RTEL1: variants seen among roughly 807,000 people sequenced by gnomAD.
RTEL1 encodes the protein regulator of telomere elongation helicase 1.
In RTEL1, 86 loss-of-function variants were observed where a neutral mutation model predicts 162.2. That is an observed-to-expected ratio of 0.53 (90% CI 0.45 to 0.63). The LOEUF is 0.63. RTEL1 is among the 30% of genes least tolerant of loss of function. The probability of loss-of-function intolerance (pLI) is 0.00; values close to 1 mark genes in which losing one functional copy is unlikely to be tolerated. For missense variants in RTEL1, 1,941 were observed against 1,750.2 expected (o/e 1.11, Z -1.95); for synonymous variants, 958 against 717.9 (o/e 1.33, Z -5.35).
Position 63,678,103 on chromosome 20 carries a change from G to T in RTEL1, c.920-42G>T, listed in dbSNP as rs371242968. Reference sequence around the variant, plus strand: ...TTCTCAAGGGCGGGGTTGTTGGCACGAGCGTGATGCAGACTGCCTTTGCTG... The same window carrying T: ...TTCTCAAGGGCGGGGTTGTTGGCACTAGCGTGATGCAGACTGCCTTTGCTG... On this transcript the variant is annotated intron_variant, in intron 10 of 34. Coordinates refer to ENST00000360203, the MANE Select transcript of RTEL1 (RefSeq NM_001283009.2). The T allele has an allele frequency of 3.1e-6, 5 of 1,613,308 alleles. No individual in the cohort carries two copies. The African/African-American group carries it at 5.3e-5, about 17-fold the overall frequency.
chr20:63,693,642 ACCTCCACCT>A (rs2090872700), intron 30 of RTEL1, among the ~76,000 whole-genome samples: 10 of 48,168 alleles, frequency 2.1e-4, no homozygotes, highest in East Asian at 4.4e-4. Flanking sequence ...CACCACCACC[ACCTCCACCT>A]CCACCACCAC....
chr20:63,681,077 G>T (rs1284328032), intron 14 of RTEL1: 1 of 985,292 alleles, frequency 1.0e-6, no homozygotes, highest in Non-Finnish European at 1.2e-6. Context: ...GAAGAGCTCT[G>T]GACACACGCG....
In RTEL1 at chr20:63,661,899, G is replaced by C. The variant is rs1290133533; in HGVS notation, c.351G>C (p.Ser117=). The C allele has an allele frequency of 6.2e-7, 1 of 1,613,958 alleles. No homozygotes were observed. The highest frequency in any genetic ancestry group is 8.5e-7 in the Non-Finnish European group (1 of 1,179,976). The stretch of plus-strand genomic sequence containing the variant: ...TTATTTACGCCTCCAGGACCCACTC[G>C]CAACTCACACAGGTCATCAACGAGC... ...PKIIYASRTH[S]QLTQVINELR... Residue 117 remains serine, a synonymous_variant, in exon 4 of 35, where the codon TCG becomes TCC. Transcript: ENST00000360203. This position sits in a 1 kb window ranked among gnomAD's most constrained non-coding sequence, Gnocchi z 5.1.
intron 16 of RTEL1, chr20:63,687,277 C>T (rs962873286): frequency 1.3e-4 from 31 of 231,970 alleles, no homozygotes; most frequent in African/African-American, 3.6e-4. Context: ...GTCGGGATGC[C>T]GGCGCTTCCT....
At position 63,659,459 on chromosome 20, in the gene RTEL1, A is replaced by G; in HGVS notation, c.57A>G (p.Lys19=). The change falls in exon 2 of 35, where the codon AAA becomes AAG. Residue 19 remains lysine, a synonymous_variant. Coordinates refer to ENST00000360203, the MANE Select transcript of RTEL1 (RefSeq NM_001283009.2). ...VTVDFPFQPY[K]CQQEYMTKVL... Reference sequence around the variant, plus strand: ...TAGACTTCCCTTTCCAGCCCTACAAATGCCAACAGGAGTACATGACCAAGG... The same window carrying G: ...TAGACTTCCCTTTCCAGCCCTACAAGTGCCAACAGGAGTACATGACCAAGG... 2 of 1,614,116 alleles carry G rather than the reference A, an allele frequency of 1.2e-6. No individual in the cohort carries two copies. Among genetic ancestry groups the G allele is most frequent in the Non-Finnish European group, 1.7e-6 (2 of 1,180,004 alleles).
chr20:63,693,836 C>G (rs1017129886), intron 30 of RTEL1, among the ~76,000 whole-genome samples: 1 of 146,652 alleles, frequency 6.8e-6, no homozygotes, highest in Admixed American at 6.8e-5. Context: ...GCCATAGCCC[C>G]GACCCCTAAG....
intron 13 of RTEL1, 114 bp downstream of exon 13, chr20:63,680,060 A>T: frequency 1.4e-6 from 1 of 692,060 alleles, no homozygotes. Context: ...CAGCAGGAAC[A>T]GGCCCACAGA....
Position 63,661,961 on chromosome 20 carries a change from A to G in RTEL1, c.395+18A>G, listed in dbSNP as rs946202479. Reference sequence around the variant, plus strand: ...TCCTACCGGTGGGTCAGACGAGTTTACACCTGTCTCGGGGTCCTCAAGAGA... The same window carrying G: ...TCCTACCGGTGGGTCAGACGAGTTTGCACCTGTCTCGGGGTCCTCAAGAGA... On this transcript the variant is annotated intron_variant, in intron 4 of 34. Coordinates refer to ENST00000360203, the MANE Select transcript of RTEL1 (RefSeq NM_001283009.2). This position sits in a 1 kb window ranked among gnomAD's most constrained non-coding sequence, Gnocchi z 5.1. 6.3e-7 allele frequency: 1 copy of G among 1,598,216 alleles called. No homozygotes were observed. Among genetic ancestry groups the G allele is most frequent in the Non-Finnish European group, 8.6e-7 (1 of 1,165,666 alleles).
intron 26 of RTEL1, 45 bp downstream of exon 26, chr20:63,690,486 C>CTGG: frequency 6.1e-6 from 3 of 491,072 alleles, no homozygotes; most frequent in Non-Finnish European, 9.9e-6. Context: ...GGTGGCGGAG[C>CTGG]GGGCGGCGTG....
chr20:63,678,627 C>CG (rs1446579798), intron 12 of RTEL1, among the ~76,000 whole-genome samples: 1 of 133,222 alleles, frequency 7.5e-6, no homozygotes, highest in African/African-American at 2.9e-5. Flanking sequence ...CACACTCCCA[C>CG]GAACAGCACA....
intron 16 of RTEL1, chr20:63,687,105 C>T (rs750983204): frequency 6.5e-6 from 1 of 153,774 alleles, no homozygotes; most frequent in Admixed American, 6.5e-5. Context: ...GCCTCCTCCC[C>T]AGGCCACGGC....
At position 63,668,745 on chromosome 20, in the gene RTEL1, C is replaced by G. The variant is rs1289158703; in HGVS notation, c.699+1192C>G. On this transcript the variant is annotated intron_variant, in intron 8 of 34. Coordinates refer to ENST00000360203, the MANE Select transcript of RTEL1 (RefSeq NM_001283009.2). This position sits in a 1 kb window ranked among gnomAD's most constrained non-coding sequence, Gnocchi z 4.3. ...CCATCTGGAGAGCTTCTAACCCAAC[C>G]AGGCCCCTCCCTGGGACAGTTATAT... 3.3e-5 allele frequency among the ~76,000 whole-genome samples: 5 copies of G among 152,206 alleles called. No homozygotes were observed. Among genetic ancestry groups the G allele is most frequent in the African/African-American group, 1.2e-4 (5 of 41,446 alleles).
rs1236751268 is a variant in RTEL1 at position 63,693,291 on chromosome 20, G to A, written c.2992+8G>A. 1.2e-6 allele frequency: 2 copies of A among 1,611,348 alleles called. No homozygotes were observed. Among genetic ancestry groups the A allele is most frequent in the Non-Finnish European group, 1.7e-6 (2 of 1,179,278 alleles). ...CGGTCCTGGACCCCACTGGTAAATG[G>A]GGCCCCAGGTGGGACCCTCAGACTC... On this transcript the variant is annotated splice_region_variant and intron_variant, in intron 30 of 34. Coordinates refer to ENST00000360203, the MANE Select transcript of RTEL1 (RefSeq NM_001283009.2).
chr20:63,663,422 G>A (rs1192197128), intron 6 of RTEL1, among the ~76,000 whole-genome samples: 4 of 152,198 alleles, frequency 2.6e-5, no homozygotes, highest in African/African-American at 4.8e-5. Flanking sequence ...GTCCAACACG[G>A]GATGCCTTGG....
rs117750724 is a variant in RTEL1 at position 63,659,201 on chromosome 20, G to C, written c.-170-32G>C. On this transcript the variant is annotated intron_variant, in intron 1 of 34. Transcript: ENST00000360203. ...AAGTAGCCCGGTACCCACAAAGGCTGTCTACAAACAGAGTCTTACTGTCTT... is the reference window on the plus strand; with the variant it reads ...AAGTAGCCCGGTACCCACAAAGGCTCTCTACAAACAGAGTCTTACTGTCTT... 3.0e-3 allele frequency: 1,778 copies of C among 593,624 alleles called. 8 individuals are homozygous for C. The highest frequency in any genetic ancestry group is 9.1e-3 in the Middle Eastern group (20 of 2,198). The allele number at this position is 593,624 out of a possible 1,614,324, so 36.8% of individuals were successfully genotyped here. A position where few individuals can be genotyped will look rare whatever the true frequency, so the allele number is the denominator to read the frequency against.
rs745776915 is a variant in RTEL1 at position 63,693,131 on chromosome 20, C to T, written c.2852-12C>T. 1.9e-5 allele frequency: 30 copies of T among 1,612,120 alleles called. No homozygotes were observed. The highest frequency in any genetic ancestry group is 2.2e-5 in the East Asian group (1 of 44,902). Reference sequence around the variant, plus strand: ...AAGGGGCAGATGGGGACAGACGCCCCTTCCTCTACAGGCTTCTACCAGTTT... The same window carrying T: ...AAGGGGCAGATGGGGACAGACGCCCTTTCCTCTACAGGCTTCTACCAGTTT... On this transcript the variant is annotated splice_polypyrimidine_tract_variant and intron_variant, in intron 29 of 34. Coordinates refer to ENST00000360203, the MANE Select transcript of RTEL1 (RefSeq NM_001283009.2).
At chr20:63,662,503 T>TG in intron 4 of RTEL1, 43 bp from the exon 5 acceptor site, 1 of 1,610,484 alleles carries the variant, frequency 6.2e-7, no homozygotes, top group South Asian at 1.1e-5. Flanking sequence ...CTGTGGGTGT[T>TG]GGAGACAGCT....
intron 14 of RTEL1, chr20:63,682,069 G>T: frequency 1.0e-6 from 1 of 985,454 alleles, no homozygotes. Flanking sequence ...GGGCCTGGAG[G>T]GCAGGTGTGA....
In RTEL1 at chr20:63,693,711, A is replaced by T. The variant is rs571793679; in HGVS notation, c.2992+428A>T. Among the ~76,000 whole-genome samples the T allele has an allele frequency of 2.5e-3, 41 of 16,136 alleles. 1 individual carries two copies. The highest frequency in any genetic ancestry group is 5.4e-3 in the South Asian group (2 of 372). 10.6% of individuals were successfully genotyped at this position (16,136 alleles called of 152,430 possible). On this transcript the variant is annotated intron_variant, in intron 30 of 34. Coordinates refer to ENST00000360203, the MANE Select transcript of RTEL1 (RefSeq NM_001283009.2). ...CACCACCACCACCACCACCTCCACCACCACCACCTGCACCACCACCTCCAC... is the reference window on the plus strand; with the variant it reads ...CACCACCACCACCACCACCTCCACCTCCACCACCTGCACCACCACCTCCAC...
Sources: gnomAD v4.1 joint callset for allele counts (sites outside exome capture counted in the v4.1 genomes callset) on GRCh38, gnomAD v4.1.1 for gene constraint, Gnocchi (gnomAD v3.1) non-coding constraint, MANE v1.5 for transcripts, NCBI Gene and HGNC (gene_info 2026-07-23, HGNC 2026-07-21) for gene names.